Variants in SAMSN1 observed in about 807,000 individuals in gnomAD.
SAMSN1 encodes SAM domain, SH3 domain and nuclear localization signals 1, also known as SAM domain-containing protein SAMSN-1.
A neutral mutation model predicts 42.0 loss-of-function variants in SAMSN1; 31 were observed. The observed-to-expected ratio is 0.74, with a 90% CI of 0.55 to 1.00. SAMSN1 has a LOEUF of 1.00. Among genes scored for constraint, SAMSN1 ranks in the 50% least tolerant of loss-of-function variants. SAMSN1 has a pLI of 0.00. For missense variants in SAMSN1, 464 were observed against 439.4 expected, an observed-to-expected ratio of 1.06 and a Z score of -0.50; for synonymous variants, 178 against 151.9, an observed-to-expected ratio of 1.17 and a Z score of -1.26.
chr21:14,572,518 G>A (rs1203149488), intron 2 of SAMSN1, among the ~76,000 whole-genome samples: 1 of 152,170 alleles, frequency 6.6e-6, no homozygotes, highest in Non-Finnish European at 1.5e-5. Context: ...AGAGTTAGGA[G>A]GATTATGTTC....
intron 1 of SAMSN1, among the ~76,000 whole-genome samples, chr21:14,656,738 C>A (rs1253548441): frequency 6.6e-6 from 1 of 151,620 alleles, no homozygotes; most frequent in Non-Finnish European, 1.5e-5. Flanking sequence ...AAGTTTCTGC[C>A]TTTATGTTTC....
intron 2 of SAMSN1, among the ~76,000 whole-genome samples, chr21:14,635,822 T>TTTA (rs368397409): frequency 0.015 from 2,312 of 151,180 alleles, 56 homozygotes; most frequent in African/African-American, 0.05. Flanking sequence ...AGAGACAGAA[T>TTTA]TTATTATTAT....
intron 5 of SAMSN1, among the ~76,000 whole-genome samples, chr21:14,608,800 C>A (rs1382508436): frequency 1.3e-5 from 2 of 152,164 alleles, no homozygotes; most frequent in African/African-American, 4.8e-5. Flanking sequence ...AATTTCTAGA[C>A]TCTTGAATCA....
At chr21:14,604,524 G>T in intron 5 of SAMSN1, among the ~76,000 whole-genome samples, 1 of 152,124 alleles carries the variant, frequency 6.6e-6, no homozygotes, top group East Asian at 1.9e-4. Context: ...ATCAGCTTGG[G>T]CAACAGAGTG....
intron 2 of SAMSN1, among the ~76,000 whole-genome samples, chr21:14,626,470 G>T (rs1257919394): frequency 6.6e-6 from 1 of 152,100 alleles, no homozygotes; most frequent in Non-Finnish European, 1.5e-5. Flanking sequence ...GTGAACAAAG[G>T]ATATGAACAG....
At position 14,609,075 on chromosome 21, in the gene SAMSN1, T is replaced by A. The variant is rs560894369; in HGVS notation, c.322+407A>T. Among the ~76,000 whole-genome samples the A allele has an allele frequency of 3.9e-5, 6 of 152,246 alleles. No individual in the cohort carries two copies. In the East Asian group the frequency reaches 7.7e-4, roughly 20 times the overall value. On this transcript the variant is annotated intron_variant, in intron 5 of 15. Coordinates refer to the SAMSN1 transcript ENST00000647101. ...TTTTATATTCATAATCAAGGTTATTTCTCTTAAATTTTTTAAGAAGACTTA... is the reference window on the plus strand; with the variant it reads ...TTTTATATTCATAATCAAGGTTATTACTCTTAAATTTTTTAAGAAGACTTA...
chr21:14,634,482 C>G (rs1683088305), intron 2 of SAMSN1, among the ~76,000 whole-genome samples: 1 of 151,946 alleles, frequency 6.6e-6, no homozygotes, highest in African/African-American at 2.4e-5. Flanking sequence ...AAAAAATAAA[C>G]AGCCCCATCA....
chr21:14,623,443 A>G (rs1983070739), intron 2 of SAMSN1, among the ~76,000 whole-genome samples: 1 of 152,198 alleles, frequency 6.6e-6, no homozygotes, highest in Non-Finnish European at 1.5e-5. Flanking sequence ...CTACCAAGAA[A>G]ATGGAAAACA....
Position 14,626,363 on chromosome 21 carries a change from T to A in SAMSN1, c.157-10347A>T, listed in dbSNP as rs113209537. Among the ~76,000 whole-genome samples, 1,332 of 151,884 alleles carry A rather than the reference T, an allele frequency of 8.8e-3. 23 individuals are homozygous for A. The highest frequency in any genetic ancestry group is 0.03 in the African/African-American group (1,262 of 41,422). ...AGGCAACCTATAGAGTGGGAGAAAA[T>A]TTTTGCAATCTACTCATCTGACAAA... On this transcript the variant is annotated intron_variant, in intron 2 of 15. Transcript: ENST00000647101.
rs1178519268 is a variant in SAMSN1 at position 14,516,676 on chromosome 21, C to A, written c.279+216G>T. The stretch of plus-strand genomic sequence containing the variant: ...AAAGTGCTCGGATTACAGGTGTGAG[C>A]CACTGCACCCAGCAGATGCATGATC... On this transcript the variant is annotated intron_variant, in intron 3 of 7. Coordinates refer to ENST00000400566, the MANE Select transcript of SAMSN1 (RefSeq NM_022136.5). Among the ~76,000 whole-genome samples the A allele has an allele frequency of 5.9e-5, 9 of 152,144 alleles. 1 individual carries two copies. The highest frequency in any genetic ancestry group is 4.4e-5 in the Non-Finnish European group (3 of 68,024).
chr21:14,599,502 G>A (rs922150376), intron 6 of SAMSN1, among the ~76,000 whole-genome samples: 5 of 152,216 alleles, frequency 3.3e-5, no homozygotes, highest in South Asian at 2.1e-4. Context: ...ACTTAGCCTC[G>A]GGTATTTCTT....
chr21:14,563,371 A>G (rs978590780), intron 2 of SAMSN1, among the ~76,000 whole-genome samples: 4 of 152,212 alleles, frequency 2.6e-5, no homozygotes, highest in African/African-American at 9.6e-5. Flanking sequence ...ACATGACTTC[A>G]CTTTGTTTTG....
chr21:14,598,665 T>C (rs2123292836), intron 6 of SAMSN1, among the ~76,000 whole-genome samples: 1 of 152,310 alleles, frequency 6.6e-6, no homozygotes, highest in African/African-American at 2.4e-5. Flanking sequence ...ACTTCTTCCA[T>C]GCCTGAGATC....
chr21:14,516,761 T>C, intron 3 of SAMSN1, 131 bp downstream of exon 3: 1 of 684,852 alleles, frequency 1.5e-6, no homozygotes, highest in South Asian at 2.4e-5. Context: ...ACCCAAGTTC[T>C]GGGCATAATG....
intron 2 of SAMSN1, among the ~76,000 whole-genome samples, chr21:14,620,960 C>G (rs1982986240): frequency 6.6e-6 from 1 of 152,152 alleles, no homozygotes; most frequent in Admixed American, 6.5e-5. Flanking sequence ...AGATTGTTCA[C>G]TTGCATAACT....
intron 2 of SAMSN1, among the ~76,000 whole-genome samples, chr21:14,642,573 C>T (rs951498823): frequency 3.9e-5 from 6 of 152,194 alleles, no homozygotes; most frequent in African/African-American, 1.4e-4. Flanking sequence ...TGGAAATTGA[C>T]AAACGCATAA....
chr21:14,531,315 G>C (rs1001434029), intron 1 of SAMSN1, among the ~76,000 whole-genome samples: 5 of 151,808 alleles, frequency 3.3e-5, no homozygotes, highest in African/African-American at 9.7e-5. Context: ...TATGTATTTT[G>C]TATAGTGTCA....
At chr21:14,625,025 A>AC (rs1983126136) in intron 2 of SAMSN1, among the ~76,000 whole-genome samples, 1 of 152,156 alleles carries the variant, frequency 6.6e-6, no homozygotes, top group South Asian at 2.1e-4. Context: ...AACGACAAAA[A>AC]CCACATGATT....
rs985467607 is a variant in SAMSN1, at chr21:14,612,715, G to C, written c.235+161C>G. 4.6e-6 allele frequency: 3 copies of C among 654,170 alleles called. No homozygotes were observed. In the African/African-American group the frequency reaches 5.4e-5, roughly 12 times the overall value. 40.5% of individuals were successfully genotyped at this position (654,170 alleles called of 1,614,324 possible). On this transcript the variant is annotated intron_variant, in intron 4 of 15. Transcript: ENST00000647101. ...TCTTTGTCATAGCCATTTAAAGTTA[G>C]AATGAAGCCACTTTTAAAAAATGTT...
Sources: gnomAD v4.1 joint callset for allele counts (sites outside exome capture counted in the v4.1 genomes callset) on GRCh38, gnomAD v4.1.1 for gene constraint, MANE v1.5 for transcripts, NCBI Gene and HGNC (gene_info 2026-07-23, HGNC 2026-07-21) for gene names.